Variants in SMG6 observed in about 807,000 individuals in gnomAD.
SMG6 encodes the protein SMG6 nonsense mediated mRNA decay factor, also known as telomerase-binding protein EST1A.
Under a neutral mutation model 142.2 loss-of-function variants are expected in SMG6, and 66 were observed. That is an observed-to-expected ratio of 0.46 (90% CI 0.38 to 0.57). The LOEUF (loss-of-function observed/expected upper bound fraction) is 0.57. Among genes scored for constraint, SMG6 ranks in the 20% least tolerant of loss-of-function variants. The pLI, the probability that SMG6 is intolerant of heterozygous loss-of-function variation, is 0.00. For missense variants in SMG6, 1,793 were observed against 1,832.0 expected (o/e 0.98, Z 0.39); for synonymous variants, 779 against 702.4 (o/e 1.11, Z -1.72).
chr17:2,164,077 C>A (rs957527006), intron 13 of SMG6, among the ~76,000 whole-genome samples: 2 of 150,882 alleles, frequency 1.3e-5, no homozygotes, highest in Non-Finnish European at 3.0e-5. Flanking sequence ...ACAAGGACGA[C>A]AATGACAGGG....
At chr17:2,221,338 C>A (rs547953223) in intron 10 of SMG6, among the ~76,000 whole-genome samples, 2 of 152,174 alleles carry the variant, frequency 1.3e-5, no homozygotes, top group South Asian at 4.1e-4. Flanking sequence ...AAGTCTGTAG[C>A]CCCTCCCCCT....
At chr17:2,084,274 G>A (rs763896327) in intron 14 of SMG6, among the ~76,000 whole-genome samples, 1 of 152,238 alleles carries the variant, frequency 6.6e-6, no homozygotes, top group Non-Finnish European at 1.5e-5. Flanking sequence ...CAGGGCTTGG[G>A]TGGCACTGCT....
intron 13 of SMG6, among the ~76,000 whole-genome samples, chr17:2,103,532 T>A (rs1246597578): frequency 6.6e-6 from 1 of 152,228 alleles, no homozygotes; most frequent in Non-Finnish European, 1.5e-5. Flanking sequence ...CTGTCCAAAC[T>A]AAGTTTTTGG....
At chr17:2,190,250 GA>G (rs1343486724) in intron 10 of SMG6, among the ~76,000 whole-genome samples, 1 of 152,168 alleles carries the variant, frequency 6.6e-6, no homozygotes, top group Non-Finnish European at 1.5e-5. Context: ...AGTAAGTCCA[GA>G]AAAGAGGGAG....
intron 4 of SMG6, among the ~76,000 whole-genome samples, chr17:2,296,600 C>T (rs1352867731): frequency 2.0e-5 from 3 of 152,174 alleles, no homozygotes; most frequent in Non-Finnish European, 2.9e-5. Context: ...ACTAAGCATG[C>T]GAGGGACCTA....
chr17:2,269,504 T>C (rs889815002), intron 8 of SMG6, among the ~76,000 whole-genome samples: 18 of 151,106 alleles, frequency 1.2e-4, no homozygotes, highest in African/African-American at 4.1e-4. Context: ...AAGTTGAGCA[T>C]GTGGTGAACG....
chr17:2,067,281 G>C (rs1334887126), intron 16 of SMG6, among the ~76,000 whole-genome samples: 2 of 152,134 alleles, frequency 1.3e-5, no homozygotes, highest in Non-Finnish European at 2.9e-5. Flanking sequence ...CCTTTCACCG[G>C]ATCAAGAACA....
At chr17:2,083,975 G>T (rs180992004) in intron 14 of SMG6, among the ~76,000 whole-genome samples, 1 of 152,196 alleles carries the variant, frequency 6.6e-6, no homozygotes, top group Non-Finnish European at 1.5e-5. Context: ...CACAACCTTT[G>T]TCTGGTCAAT....
chr17:2,256,860 G>A (rs999148039), intron 8 of SMG6, among the ~76,000 whole-genome samples: 8 of 152,214 alleles, frequency 5.3e-5, no homozygotes, highest in Non-Finnish European at 7.3e-5. Flanking sequence ...AAAAAGAGAT[G>A]AATGTTGTAG....
chr17:2,257,451 G>C (rs1396797600), intron 8 of SMG6, among the ~76,000 whole-genome samples: 1 of 152,086 alleles, frequency 6.6e-6, no homozygotes, highest in Non-Finnish European at 1.5e-5. Context: ...GCCCCCAAAG[G>C]TATTTAAAGG....
At chr17:2,294,071 C>T (rs970764630) in intron 4 of SMG6, among the ~76,000 whole-genome samples, 2 of 152,208 alleles carry the variant, frequency 1.3e-5, no homozygotes, top group African/African-American at 4.8e-5. Flanking sequence ...TAACATATCA[C>T]TGAATAAAGA....
intron 8 of SMG6, among the ~76,000 whole-genome samples, chr17:2,272,593 T>A (rs1407759041): frequency 6.6e-6 from 1 of 152,216 alleles, no homozygotes; most frequent in East Asian, 1.9e-4. Context: ...TGTTCCTAGC[T>A]AACTAAGGTC....
At chr17:2,198,215 G>A (rs957088606) in intron 10 of SMG6, among the ~76,000 whole-genome samples, 4 of 152,156 alleles carry the variant, frequency 2.6e-5, no homozygotes, top group Admixed American at 6.6e-5. Context: ...AGGAAATTAC[G>A]CTTAGTGAAA....
rs2068532366 is a variant in SMG6, at chr17:2,085,419, C to T, written c.3534+306G>A. Among the ~76,000 whole-genome samples, 1 of 152,184 alleles carries T rather than the reference C, an allele frequency of 6.6e-6. No individual in the cohort carries two copies. The highest frequency in any genetic ancestry group is 1.5e-5 in the Non-Finnish European group (1 of 68,018). On this transcript the variant is annotated intron_variant, in intron 14 of 18. Coordinates refer to ENST00000263073, the MANE Select transcript of SMG6 (RefSeq NM_017575.5). The surrounding 1 kb of genome is among the most constrained non-coding windows in gnomAD (Gnocchi z 4.1). The stretch of plus-strand genomic sequence containing the variant: ...ACATCTATAAACTTGATCCTGACCA[C>T]CCCCCTCTCCCTTTCCTAAGCCTCG...
At chr17:2,158,300 C>G (rs1049761629) in intron 13 of SMG6, among the ~76,000 whole-genome samples, 4 of 151,878 alleles carry the variant, frequency 2.6e-5, no homozygotes, top group Admixed American at 2.6e-4. Flanking sequence ...GAATTAAGAA[C>G]AGTTTATCAT....
Position 2,065,490 on chromosome 17 carries a change from C to T in SMG6, c.4025G>A (p.Ser1342Asn), listed in dbSNP as rs779592718. Residue 1342 changes from serine to asparagine, a missense_variant, in exon 17 of 19, where the codon AGT becomes AAT. Ser to Asn is a conservative substitution (Grantham distance 46). This residue lies in a region of SMG6 where 179 missense variants were observed against 212.6 expected (regional missense o/e 0.84). Coordinates refer to ENST00000263073, the MANE Select transcript of SMG6 (RefSeq NM_017575.5). ...CACCAGCTGGCCAGTGATGTCCTCACTGCGGAAGGCGATGGATTCGAGTTC... is the reference window on the plus strand; with the variant it reads ...CACCAGCTGGCCAGTGATGTCCTCATTGCGGAAGGCGATGGATTCGAGTTC... ...GNELESIAFR[S>N]EDITGQLGNN... 35 of 1,613,100 alleles carry T rather than the reference C, an allele frequency of 2.2e-5. No individual in the cohort carries two copies. The highest frequency in any genetic ancestry group is 6.7e-5 in the African/African-American group (5 of 74,918).
intron 8 of SMG6, among the ~76,000 whole-genome samples, chr17:2,269,169 G>C (rs562881291): frequency 1.4e-5 from 2 of 146,088 alleles, no homozygotes; most frequent in Non-Finnish European, 3.0e-5. Flanking sequence ...GCAGTGAGCC[G>C]AGATCGCAGC....
intron 13 of SMG6, among the ~76,000 whole-genome samples, chr17:2,112,054 G>T (rs1814312182): frequency 6.6e-6 from 1 of 152,096 alleles, no homozygotes; most frequent in African/African-American, 2.4e-5. Flanking sequence ...ATTTCTTACA[G>T]AAGTGCCAAG....
intron 10 of SMG6, among the ~76,000 whole-genome samples, chr17:2,222,928 C>A (rs2073218446): frequency 6.6e-6 from 1 of 152,134 alleles, no homozygotes; most frequent in African/African-American, 2.4e-5. Flanking sequence ...CTGCTCATTG[C>A]CCTGACATGA....
Sources: gnomAD v4.1 joint callset for allele counts (sites outside exome capture counted in the v4.1 genomes callset) on GRCh38, gnomAD v4.1.1 for gene constraint, gnomAD v4.1.1 regional missense constraint, Gnocchi (gnomAD v3.1) non-coding constraint, MANE v1.5 for transcripts, NCBI Gene and HGNC (gene_info 2026-07-23, HGNC 2026-07-21) for gene names.